Variants in LYPD6 observed in about 807,000 individuals in gnomAD.
LYPD6 encodes the protein LY6/PLAUR domain containing 6, also known as ly6/PLAUR domain-containing protein 6.
Under a neutral mutation model 22.7 loss-of-function variants are expected in LYPD6, and 15 were observed. That is an observed-to-expected ratio of 0.66 (90% CI 0.44 to 1.02). The LOEUF (loss-of-function observed/expected upper bound fraction) is 1.02. Among genes scored for constraint, LYPD6 ranks in the 50% least tolerant of loss-of-function variants. LYPD6 has a pLI of 0.00. For missense variants in LYPD6, 189 were observed against 208.4 expected, an observed-to-expected ratio of 0.91 and a Z score of 0.57; for synonymous variants, 72 against 77.5, an observed-to-expected ratio of 0.93 and a Z score of 0.37.
At chr2:149,469,136 G>A (rs1314618003) in intron 4 of LYPD6, among the ~76,000 whole-genome samples, 3 of 152,144 alleles carry the variant, frequency 2.0e-5, no homozygotes, top group African/African-American at 4.8e-5. Flanking sequence ...CATCACAGGA[G>A]GACCGACGCA....
chr2:149,345,903 C>G (rs1681247547), intron 1 of LYPD6, among the ~76,000 whole-genome samples: 2 of 152,118 alleles, frequency 1.3e-5, no homozygotes, highest in South Asian at 4.1e-4. Context: ...CTTAGTGAGG[C>G]TTCCAAACTG....
At position 149,468,660 on chromosome 2, in the gene LYPD6, A is replaced by G; in HGVS notation, c.233A>G (p.Tyr78Cys). 1 of 1,613,502 alleles carries G rather than the reference A, an allele frequency of 6.2e-7. No homozygotes were observed. The highest frequency in any genetic ancestry group is 1.7e-5 in the Admixed American group (1 of 59,998). The change falls in exon 4 of 5, where the codon TAC becomes TGC. Residue 78 changes from tyrosine to cysteine, a missense_variant. Physicochemically the swap from Tyr to Cys is radical, Grantham distance 194. Coordinates refer to ENST00000334166, the MANE Select transcript of LYPD6 (RefSeq NM_194317.5). ...IYCPRETRYC[Y>C]TQHTMEVTGN... is the part of the protein sequence containing the mutation. The stretch of plus-strand genomic sequence containing the variant: ...CTGTTGACAGAGACCAGATACTGCT[A>G]CACTCAGCACACAATGGAAGTCACA...
chr2:149,445,345 T>C (rs546610544), intron 2 of LYPD6, among the ~76,000 whole-genome samples: 1 of 152,348 alleles, frequency 6.6e-6, no homozygotes, highest in Admixed American at 6.5e-5. Flanking sequence ...TTGGCTTCAA[T>C]TTAAAATTCA....
At chr2:149,411,992 T>C (rs921212093) in intron 1 of LYPD6, among the ~76,000 whole-genome samples, 1 of 152,240 alleles carries the variant, frequency 6.6e-6, no homozygotes, top group African/African-American at 2.4e-5. Flanking sequence ...CTGTACGATA[T>C]TCTTTTGTAT....
intron 1 of LYPD6, among the ~76,000 whole-genome samples, chr2:149,387,910 A>T (rs887210741): frequency 6.6e-6 from 1 of 152,204 alleles, no homozygotes; most frequent in Non-Finnish European, 1.5e-5. Flanking sequence ...TACATGAAAT[A>T]TGACCTTGGT....
intron 1 of LYPD6, among the ~76,000 whole-genome samples, chr2:149,338,725 AT>A (rs1488695763): frequency 6.6e-6 from 1 of 152,182 alleles, no homozygotes; most frequent in Non-Finnish European, 1.5e-5. Context: ...GCATTTTATT[AT>A]AGCAGCCTGA....
chr2:149,381,557 CAA>C (rs1162205721), intron 1 of LYPD6, among the ~76,000 whole-genome samples: 1 of 151,970 alleles, frequency 6.6e-6, no homozygotes, highest in Non-Finnish European at 1.5e-5. Context: ...AGGTCACCAA[CAA>C]AGAGTGATGC....
At chr2:149,335,845 G>A (rs879865439) in intron 1 of LYPD6, among the ~76,000 whole-genome samples, 2 of 152,120 alleles carry the variant, frequency 1.3e-5, no homozygotes, top group South Asian at 2.1e-4. Context: ...GTAACATACT[G>A]CAGAGGTTTG....
intron 1 of LYPD6, among the ~76,000 whole-genome samples, chr2:149,400,347 A>T (rs1445541691): frequency 6.6e-6 from 1 of 152,226 alleles, no homozygotes; most frequent in Non-Finnish European, 1.5e-5. Context: ...CTGTTTACCT[A>T]GCAAACGGAA....
At chr2:149,351,392 TAAAAAA>T (rs71397025) in intron 1 of LYPD6, among the ~76,000 whole-genome samples, 7 of 83,116 alleles carry the variant, frequency 8.4e-5, no homozygotes, top group African/African-American at 9.3e-5. Flanking sequence ...AGACTCCATC[TAAAAAA>T]AAAAAAAAAA....
chr2:149,384,538 A>G (rs1027975540), intron 1 of LYPD6, among the ~76,000 whole-genome samples: 26 of 152,164 alleles, frequency 1.7e-4, no homozygotes, highest in African/African-American at 6.3e-4. Flanking sequence ...TGGTTGGGGG[A>G]ACATTCCATT....
intron 1 of LYPD6, among the ~76,000 whole-genome samples, chr2:149,368,944 C>A (rs1334968590): frequency 6.6e-6 from 1 of 151,958 alleles, no homozygotes; most frequent in South Asian, 2.1e-4. Flanking sequence ...GAAAGTGATA[C>A]GTTTGAGTTT....
intron 2 of LYPD6, among the ~76,000 whole-genome samples, chr2:149,440,837 A>C (rs1017256782): frequency 6.7e-6 from 1 of 150,358 alleles, no homozygotes; most frequent in African/African-American, 2.5e-5. Flanking sequence ...AGAAGCTGGG[A>C]CTACAGGTGC....
At chr2:149,418,036 TG>T (rs1266406470) in intron 1 of LYPD6, among the ~76,000 whole-genome samples, 1 of 152,238 alleles carries the variant, frequency 6.6e-6, no homozygotes, top group Non-Finnish European at 1.5e-5. Flanking sequence ...AGAAATGCTT[TG>T]TTCACTCGTC....
At chr2:149,393,234 T>G (rs1437495105) in intron 1 of LYPD6, among the ~76,000 whole-genome samples, 6 of 152,224 alleles carry the variant, frequency 3.9e-5, no homozygotes, top group Non-Finnish European at 5.9e-5. Flanking sequence ...CATCTATAGC[T>G]TCTCAGTTTT....
the LYPD6 span, among the ~76,000 whole-genome samples, chr2:149,484,388 C>T: frequency 6.6e-6 from 1 of 152,066 alleles, no homozygotes; most frequent in Non-Finnish European, 1.5e-5. Context: ...GTCATGATGC[C>T]ACGGCTTCTG....
rs562822074 is a variant in LYPD6 at position 149,350,537 on chromosome 2, G to C, written c.-72+19815G>C. On this transcript the variant is annotated intron_variant, in intron 1 of 4. Coordinates refer to ENST00000334166, the MANE Select transcript of LYPD6 (RefSeq NM_194317.5). ...GAGTAGTAAGCAGTTAGTGGCAAAG[G>C]GGTTTATAAAGAAACCCTGTGGACT... 3.2e-3 allele frequency among the ~76,000 whole-genome samples: 489 copies of C among 152,152 alleles called. 3 individuals are homozygous for C. The highest frequency in any genetic ancestry group is 0.01 in the Middle Eastern group (3 of 292).
chr2:149,333,917 A>G (rs956089685), intron 1 of LYPD6, among the ~76,000 whole-genome samples: 12 of 152,220 alleles, frequency 7.9e-5, no homozygotes, highest in African/African-American at 2.9e-4. Context: ...GAAGGACATC[A>G]AGAGTATAAT....
chr2:149,481,274 G>C, the LYPD6 span, among the ~76,000 whole-genome samples: 1 of 152,186 alleles, frequency 6.6e-6, no homozygotes, highest in Non-Finnish European at 1.5e-5. Flanking sequence ...GCTTCTGCTA[G>C]TCCTGGCCTA....
Sources: gnomAD v4.1 joint callset for allele counts (sites outside exome capture counted in the v4.1 genomes callset) on GRCh38, gnomAD v4.1.1 for gene constraint, MANE v1.5 for transcripts, NCBI Gene and HGNC (gene_info 2026-07-23, HGNC 2026-07-21) for gene names.